The following STXBP5L variants were observed in gnomAD, a reference collection of about 807,000 sequenced individuals.
The protein encoded by STXBP5L is syntaxin-binding protein 5-like.
STXBP5L carries 65 observed loss-of-function variants against 144.5 expected under a neutral mutation model. The ratio of observed to expected loss-of-function variants is 0.45; its 90% CI spans 0.37 to 0.55. The LOEUF is 0.55. Ranked by LOEUF, STXBP5L falls within the 20% of genes least tolerant of loss-of-function variation. The probability of loss-of-function intolerance (pLI) is 0.00; values close to 1 mark genes in which losing one functional copy is unlikely to be tolerated. For missense variants in STXBP5L, 1,298 were observed against 1,405.5 expected (o/e 0.92, Z 1.22); for synonymous variants, 505 against 469.6 (o/e 1.08, Z -0.97).
In STXBP5L at chr3:121,379,433, G is replaced by C. The variant is rs185437719; in HGVS notation, c.2347+547G>C. On this transcript the variant is annotated intron_variant, in intron 21 of 26. Coordinates refer to ENST00000471454, the MANE Select transcript of STXBP5L (RefSeq NM_001308330.2). ...GCCAGAGACCAGAAATTTTTACAGA[G>C]GCAAAAAAAGGGAATTTTGTAACTT... 2.1e-4 allele frequency among the ~76,000 whole-genome samples: 32 copies of C among 151,616 alleles called. No individual in the cohort carries two copies. In the East Asian group the frequency reaches 6.2e-3, roughly 29 times the overall value.
In STXBP5L at chr3:121,282,382, T is replaced by C. The variant is rs532801543; in HGVS notation, c.2110+2426T>C. 8 of 1,566,758 alleles carry C rather than the reference T, an allele frequency of 5.1e-6. No individual in the cohort carries two copies. In the South Asian group the frequency reaches 9.0e-5, roughly 18 times the overall value. On this transcript the variant is annotated intron_variant, in intron 19 of 26. Transcript: ENST00000471454. ...GGCAAATAGCCTTTTTAAGACATAA[T>C]GCTTGAGTTAAATCCATACATCAGT...
chr3:121,401,344 C>A (rs1231705106), intron 22 of STXBP5L, among the ~76,000 whole-genome samples: 1 of 151,982 alleles, frequency 6.6e-6, no homozygotes, highest in Non-Finnish European at 1.5e-5. Flanking sequence ...GGCGATTCCT[C>A]AGGGATCTAG....
chr3:121,415,956 AGAG>A lies in STXBP5L; in HGVS notation c.3215_3217del (p.Arg1072_Glu1073delinsLys). The A allele has an allele frequency of 6.2e-7, 1 of 1,612,842 alleles. No homozygotes were observed. The highest frequency in any genetic ancestry group is 1.1e-5 in the South Asian group (1 of 90,922). On this transcript the variant is annotated inframe_deletion, in exon 25 of 27. Coordinates refer to ENST00000471454, the MANE Select transcript of STXBP5L (RefSeq NM_001308330.2). ...TGGTGGAAGCGGACAAACATTTGAC[AGAG>A]AAGAGCTCTGTGAGTAAATTCCTGA...
intron 5 of STXBP5L, among the ~76,000 whole-genome samples, chr3:121,097,450 A>C (rs573635164): frequency 2.0e-5 from 3 of 152,340 alleles, no homozygotes; most frequent in African/African-American, 7.2e-5. Context: ...GGTAGGCACC[A>C]TAGGGAACCT....
At chr3:121,078,353 G>A (rs1477558280) in intron 5 of STXBP5L, among the ~76,000 whole-genome samples, 1 of 152,124 alleles carries the variant, frequency 6.6e-6, no homozygotes. Flanking sequence ...GTGCTGATTG[G>A]TGTGTTTACA....
chr3:121,109,514 C>A (rs2043879430), intron 5 of STXBP5L, among the ~76,000 whole-genome samples: 2 of 152,060 alleles, frequency 1.3e-5, no homozygotes, highest in Admixed American at 1.3e-4. Flanking sequence ...CGTTGCATTT[C>A]CAGTTAGTTG....
At chr3:121,047,318 G>A (rs1461665978) in intron 5 of STXBP5L, among the ~76,000 whole-genome samples, 1 of 152,038 alleles carries the variant, frequency 6.6e-6, no homozygotes. Context: ...TAAGAAGATG[G>A]TATATTCTGT....
intron 5 of STXBP5L, among the ~76,000 whole-genome samples, chr3:121,094,111 G>C (rs2042982826): frequency 1.3e-5 from 2 of 152,082 alleles, no homozygotes; most frequent in African/African-American, 2.4e-5. Context: ...CTGAGTTCTA[G>C]TTTGATTGCA....
At chr3:121,418,783 TAAAGA>T (rs3841599) in intron 26 of STXBP5L, among the ~76,000 whole-genome samples, 89,518 of 151,280 alleles carry the variant, frequency 0.59, 27,463 homozygotes, top group East Asian at 0.89. Flanking sequence ...AGGGGATAAT[TAAAGA>T]AATTATCCAT....
At chr3:120,933,625 G>C (rs1710085336) in intron 2 of STXBP5L, among the ~76,000 whole-genome samples, 1 of 152,124 alleles carries the variant, frequency 6.6e-6, no homozygotes, top group African/African-American at 2.4e-5. Context: ...TTCAGACAAG[G>C]AAGTGCATAG....
At chr3:120,927,076 C>A (rs939196051) in intron 2 of STXBP5L, among the ~76,000 whole-genome samples, 3 of 152,116 alleles carry the variant, frequency 2.0e-5, no homozygotes, top group Non-Finnish European at 4.4e-5. Context: ...TCTAGGACCA[C>A]AGGTGCATGC....
chr3:121,301,757 C>A (rs887467527), intron 19 of STXBP5L, among the ~76,000 whole-genome samples: 1 of 151,934 alleles, frequency 6.6e-6, no homozygotes, highest in African/African-American at 2.4e-5. Context: ...TAGCATGAAG[C>A]GTTGTTGAAT....
chr3:121,100,244 T>C (rs2043347116), intron 5 of STXBP5L, among the ~76,000 whole-genome samples: 1 of 152,136 alleles, frequency 6.6e-6, no homozygotes, highest in South Asian at 2.1e-4. Flanking sequence ...CTTGACCTAA[T>C]TGAAACTAAT....
intron 9 of STXBP5L, among the ~76,000 whole-genome samples, chr3:121,174,879 A>T (rs1014227438): frequency 1.3e-5 from 2 of 152,132 alleles, no homozygotes; most frequent in East Asian, 3.9e-4. Flanking sequence ...GAGGAAGAAG[A>T]GTAACAAAAC....
At chr3:121,113,718 G>A (rs1447953181) in intron 5 of STXBP5L, among the ~76,000 whole-genome samples, 1 of 136,070 alleles carries the variant, frequency 7.3e-6, no homozygotes, top group African/African-American at 2.8e-5. Flanking sequence ...TCTGTCACCA[G>A]GCTGGAGTGC....
intron 3 of STXBP5L, among the ~76,000 whole-genome samples, chr3:120,989,704 T>C (rs1942644823): frequency 6.6e-6 from 1 of 152,298 alleles, no homozygotes; most frequent in South Asian, 2.1e-4. Context: ...TTTGAGGCTG[T>C]GTGGTTTGGT....
intron 3 of STXBP5L, among the ~76,000 whole-genome samples, chr3:120,981,907 A>T (rs927999693): frequency 6.6e-6 from 1 of 152,160 alleles, no homozygotes; most frequent in South Asian, 2.1e-4. Flanking sequence ...CTTCAATTCT[A>T]GGTGCTTTCA....
At chr3:121,370,193 C>T (rs1288267853) in intron 20 of STXBP5L, among the ~76,000 whole-genome samples, 3 of 151,962 alleles carry the variant, frequency 2.0e-5, no homozygotes, top group Non-Finnish European at 2.9e-5. Flanking sequence ...TGGTGAAACC[C>T]GTCTCTACTA....
At chr3:121,083,363 T>C (rs986300420) in intron 5 of STXBP5L, among the ~76,000 whole-genome samples, 5 of 152,166 alleles carry the variant, frequency 3.3e-5, no homozygotes, top group Non-Finnish European at 5.9e-5. Flanking sequence ...GAAGAGATTG[T>C]TAAAATTGGT....
Sources: gnomAD v4.1 joint callset for allele counts (sites outside exome capture counted in the v4.1 genomes callset) on GRCh38, gnomAD v4.1.1 for gene constraint, MANE v1.5 for transcripts, NCBI Gene and HGNC (gene_info 2026-07-23, HGNC 2026-07-21) for gene names.